MTM1: variants seen among roughly 807,000 people sequenced by gnomAD.
MTM1 encodes myotubularin.
In MTM1, 9 loss-of-function variants were observed where a neutral mutation model predicts 52.1. The observed-to-expected ratio is 0.17, with a 90% CI of 0.10 to 0.30. MTM1 has a LOEUF of 0.30. Ranked by LOEUF, MTM1 falls within the 10% of genes least tolerant of loss-of-function variation. The pLI is 1.00. For synonymous variants in MTM1, 136 were observed against 163.8 expected (o/e 0.83, Z 1.29); for missense variants, 277 against 470.7 (o/e 0.59, Z 3.81).
In MTM1 at chrX:150,594,050, G is replaced by A. The variant is rs1157054744; in HGVS notation, c.63+1373G>A. 8.1e-5 allele frequency among the ~76,000 whole-genome samples: 9 copies of A among 110,975 alleles called. No individual in the cohort carries two copies. The Admixed American group carries it at 8.6e-4, about 11-fold the overall frequency. Reference sequence around the variant, plus strand: ...TCATGTCCTTTATTTGGCTTTTGGGGATTTTGAGGGGAGTTCTTATTGATT... The same window carrying A: ...TCATGTCCTTTATTTGGCTTTTGGGAATTTTGAGGGGAGTTCTTATTGATT... On this transcript the variant is annotated intron_variant, in intron 2 of 14. Transcript: ENST00000370396.
intron 6 of MTM1, among the ~76,000 whole-genome samples, chrX:150,625,180 A>G (rs1179635888): frequency 9.0e-6 from 1 of 111,678 alleles, no homozygotes; most frequent in Non-Finnish European, 1.9e-5. Context: ...GAAGTCACAT[A>G]ATGTTTATGT....
chrX:150,633,633 G>C (rs2039705569), intron 6 of MTM1, among the ~76,000 whole-genome samples: 1 of 110,644 alleles, frequency 9.0e-6, no homozygotes, highest in Non-Finnish European at 1.9e-5. Context: ...AATGGTAGAT[G>C]GAAGCTTTTT....
intron 5 of MTM1, among the ~76,000 whole-genome samples, chrX:150,617,564 T>C (rs941554657): frequency 8.9e-6 from 1 of 112,289 alleles, no homozygotes; most frequent in East Asian, 2.8e-4. Flanking sequence ...CTAGTAGATG[T>C]CATCTGTATA....
At chrX:150,628,803 C>T (rs1277939699) in intron 6 of MTM1, among the ~76,000 whole-genome samples, 1 of 107,916 alleles carries the variant, frequency 9.3e-6, no homozygotes, top group African/African-American at 3.4e-5. Context: ...GGTGTGATCA[C>T]AGCTCACCGC....
chrX:150,622,945 A>C (rs1434809738), intron 6 of MTM1, among the ~76,000 whole-genome samples: 1 of 111,866 alleles, frequency 8.9e-6, no homozygotes, highest in Non-Finnish European at 1.9e-5. Flanking sequence ...GATTTGGAAT[A>C]GTGGTTCTTA....
intron 1 of MTM1, among the ~76,000 whole-genome samples, chrX:150,590,653 C>G (rs1354358721): frequency 9.0e-6 from 1 of 111,531 alleles, no homozygotes; most frequent in Admixed American, 9.5e-5. Flanking sequence ...CCTTTATATT[C>G]ATTTTAAATT....
chrX:150,612,027 C>G (rs1204101108), intron 4 of MTM1, among the ~76,000 whole-genome samples: 1 of 111,089 alleles, frequency 9.0e-6, no homozygotes, highest in African/African-American at 3.3e-5. Context: ...GAAACCCCAT[C>G]TCTACAAAAG....
chrX:150,600,592 T>C (rs963850127), intron 4 of MTM1, among the ~76,000 whole-genome samples: 1 of 111,851 alleles, frequency 8.9e-6, no homozygotes, highest in Non-Finnish European at 1.9e-5. Context: ...GGGACTGCAG[T>C]TGGAGCAGTG....
chrX:150,668,869 C>T (rs2040347941), intron 14 of MTM1, among the ~76,000 whole-genome samples: 1 of 111,735 alleles, frequency 8.9e-6, no homozygotes, highest in Admixed American at 9.5e-5. Flanking sequence ...GTGGAAGGCA[C>T]TTCTGTAGAC....
At chrX:150,597,776 A>T (rs1055001385) in intron 3 of MTM1, among the ~76,000 whole-genome samples, 3 of 111,070 alleles carry the variant, frequency 2.7e-5, no homozygotes, top group Non-Finnish European at 5.7e-5. Flanking sequence ...ACCTAGCCAA[A>T]CTCTATTCTA....
intron 10 of MTM1, among the ~76,000 whole-genome samples, chrX:150,653,483 T>C (rs952815403): frequency 3.6e-5 from 4 of 112,285 alleles, no homozygotes; most frequent in Non-Finnish European, 7.5e-5. Context: ...AAGTCCCTAT[T>C]ACCATGTGAG....
intron 8 of MTM1, 83 bp downstream of exon 8, chrX:150,641,501 C>A: frequency 9.1e-7 from 1 of 1,093,445 alleles, no homozygotes; most frequent in Non-Finnish European, 1.3e-6. Context: ...AGAAACGGTC[C>A]TTTTGGAATT....
At chrX:150,608,990 C>T (rs782184880) in intron 4 of MTM1, among the ~76,000 whole-genome samples, 1 of 110,833 alleles carries the variant, frequency 9.0e-6, no homozygotes, top group Non-Finnish European at 1.9e-5. Flanking sequence ...CCACCACGCC[C>T]AGCTGATTTT....
At chrX:150,608,002 A>G (rs372728696) in intron 4 of MTM1, among the ~76,000 whole-genome samples, 4 of 111,039 alleles carry the variant, frequency 3.6e-5, no homozygotes, top group African/African-American at 6.6e-5. Context: ...AAGAATACAT[A>G]TAAGTTCCCT....
At chrX:150,621,219 G>A (rs921104742) in intron 6 of MTM1, among the ~76,000 whole-genome samples, 6 of 108,796 alleles carry the variant, frequency 5.5e-5, no homozygotes, top group Non-Finnish European at 9.5e-5. Context: ...TGTCCTGCAA[G>A]TTTGAGGATC....
At chrX:150,583,854 A>G (rs1449184164) in intron 1 of MTM1, among the ~76,000 whole-genome samples, 1 of 48,485 alleles carries the variant, frequency 2.1e-5, no homozygotes, top group Non-Finnish European at 3.5e-5. Flanking sequence ...TATCAAATAT[A>G]TAAAATATAT....
Position 150,660,497 on chromosome X carries a change from G to C in MTM1, c.1467+13G>C, listed in dbSNP as rs782147159. 1.8e-6 allele frequency: 2 copies of C among 1,102,698 alleles called. No homozygotes were observed. Among genetic ancestry groups the C allele is most frequent in the South Asian group, 3.7e-5 (2 of 54,455 alleles). 90.9% of individuals were successfully genotyped at this position (1,102,698 alleles called of 1,213,427 possible). Reference sequence around the variant, plus strand: ...TCGAGAAAGACAGGTGAGTTAAAATGCTATTTTTTTTGATACATTAGGCTT... The same window carrying C: ...TCGAGAAAGACAGGTGAGTTAAAATCCTATTTTTTTTGATACATTAGGCTT... On this transcript the variant is annotated intron_variant, in intron 13 of 14. Transcript: ENST00000370396.
At chrX:150,646,896 G>T (rs1165993789) in intron 9 of MTM1, among the ~76,000 whole-genome samples, 2 of 111,677 alleles carry the variant, frequency 1.8e-5, no homozygotes, top group Non-Finnish European at 3.8e-5. Flanking sequence ...CTGCATGCAT[G>T]CAGAGCTCAA....
At chrX:150,576,833 G>T (rs910996651) in intron 1 of MTM1, among the ~76,000 whole-genome samples, 3 of 111,686 alleles carry the variant, frequency 2.7e-5, no homozygotes, top group African/African-American at 9.8e-5. Context: ...CCTTTCTTTA[G>T]ATTTATTCTG....
Sources: allele counts gnomAD v4.1 joint callset (sites outside exome capture counted in the v4.1 genomes callset), GRCh38; gene constraint gnomAD v4.1.1; transcripts MANE v1.5; gene names NCBI Gene and HGNC (gene_info 2026-07-23, HGNC 2026-07-21).